AGMO: variants seen among roughly 807,000 people sequenced by gnomAD.
AGMO encodes alkylglycerol monooxygenase, also known as glyceryl-ether monooxygenase.
AGMO carries 75 observed loss-of-function variants against 60.2 expected under a neutral mutation model. The observed-to-expected ratio is 1.25, with a 90% CI of 1.03 to 1.51. AGMO has a LOEUF of 1.51. Ranked by LOEUF, AGMO falls within the 40% of genes most tolerant of loss-of-function variation. The probability of loss-of-function intolerance (pLI) is 0.00; values close to 1 mark genes in which losing one functional copy is unlikely to be tolerated. For missense variants in AGMO, 763 were observed against 525.5 expected, an observed-to-expected ratio of 1.45 and a Z score of -4.42; for synonymous variants, 261 against 177.1, an observed-to-expected ratio of 1.47 and a Z score of -3.76.
intron 12 of AGMO, among the ~76,000 whole-genome samples, chr7:15,335,498 T>C (rs568353332): frequency 5.9e-5 from 9 of 152,294 alleles, no homozygotes; most frequent in African/African-American, 1.7e-4. Flanking sequence ...AGTGATTTTA[T>C]GGTGCCTAGA....
rs148853894 is a variant in AGMO at position 15,438,566 on chromosome 7, G to T, written c.410-7458C>A. ...CGGAACTGTTTCATAATGATGCACT[G>T]TGAGTGATAATAACATGTTTTACTT... On this transcript the variant is annotated intron_variant, in intron 3 of 12. Coordinates refer to ENST00000342526, the MANE Select transcript of AGMO (RefSeq NM_001004320.2). 4.0e-3 allele frequency among the ~76,000 whole-genome samples: 614 copies of T among 152,284 alleles called. 4 individuals carry two copies. Among genetic ancestry groups the T allele is most frequent in the Middle Eastern group, 0.037 (11 of 294 alleles).
chr7:15,343,540 G>C (rs1410229037), intron 12 of AGMO, among the ~76,000 whole-genome samples: 2 of 152,048 alleles, frequency 1.3e-5, no homozygotes, highest in Non-Finnish European at 2.9e-5. Context: ...TAGTCTTTCA[G>C]GACTTATTAC....
chr7:15,235,040 G>A (rs972238712), intron 12 of AGMO, among the ~76,000 whole-genome samples: 3 of 151,986 alleles, frequency 2.0e-5, no homozygotes, highest in Non-Finnish European at 4.4e-5. Flanking sequence ...ACCATTTGCT[G>A]AAAACTTCAT....
chr7:15,393,360 T>C (rs1202336911), intron 6 of AGMO, among the ~76,000 whole-genome samples: 2 of 152,108 alleles, frequency 1.3e-5, no homozygotes, highest in African/African-American at 4.8e-5. Context: ...GGCTTCCTTC[T>C]CTCAGTATTG....
At chr7:15,393,898 T>TAG (rs1193221259) in intron 6 of AGMO, among the ~76,000 whole-genome samples, 3 of 151,952 alleles carry the variant, frequency 2.0e-5, no homozygotes, top group Non-Finnish European at 4.4e-5. Flanking sequence ...AAAAGTCAGA[T>TAG]AGATAAATCC....
chr7:15,427,417 C>T (rs919886844), intron 4 of AGMO, among the ~76,000 whole-genome samples: 1 of 152,134 alleles, frequency 6.6e-6, no homozygotes, highest in Non-Finnish European at 1.5e-5. Context: ...CTAAGAAACC[C>T]ACAGGTACAT....
chr7:15,292,524 G>C (rs944727113), intron 12 of AGMO, among the ~76,000 whole-genome samples: 1 of 152,154 alleles, frequency 6.6e-6, no homozygotes, highest in African/African-American at 2.4e-5. Context: ...CTGTGAACAT[G>C]ATAGTGAGTT....
chr7:15,483,338 G>A (rs543461222), intron 3 of AGMO, among the ~76,000 whole-genome samples: 1 of 152,098 alleles, frequency 6.6e-6, no homozygotes, highest in Admixed American at 6.5e-5. Flanking sequence ...AGGCCGAGGC[G>A]GGCGGATCAC....
chr7:15,321,248 C>T (rs1032647942), intron 12 of AGMO, among the ~76,000 whole-genome samples: 5 of 152,026 alleles, frequency 3.3e-5, no homozygotes, highest in Admixed American at 2.0e-4. Flanking sequence ...CACATACATA[C>T]GTATATAGAT....
chr7:15,222,490 CATGTTTTTCA>C (rs1781951432), intron 12 of AGMO, among the ~76,000 whole-genome samples: 2 of 152,024 alleles, frequency 1.3e-5, no homozygotes. Flanking sequence ...AAAGCAAAAA[CATGTTTTTCA>C]ATGTTAGTCA....
chr7:15,309,518 T>G (rs182584746), intron 12 of AGMO, among the ~76,000 whole-genome samples: 23 of 152,188 alleles, frequency 1.5e-4, no homozygotes, highest in African/African-American at 5.1e-4. Flanking sequence ...CAACATAAGA[T>G]CTCATCTAGC....
intron 12 of AGMO, among the ~76,000 whole-genome samples, chr7:15,258,680 T>C (rs1420995734): frequency 6.6e-6 from 1 of 152,200 alleles, no homozygotes; most frequent in Non-Finnish European, 1.5e-5. Context: ...CTCCACTCCC[T>C]TGCTACCTCT....
chr7:15,155,594 A>C, the AGMO span, among the ~76,000 whole-genome samples: 4 of 151,524 alleles, frequency 2.6e-5, no homozygotes, highest in South Asian at 4.2e-4. Context: ...TATCTTGATG[A>C]GCTTCTTTGG....
chr7:15,486,521 C>A (rs1782925544), intron 3 of AGMO, among the ~76,000 whole-genome samples: 1 of 151,954 alleles, frequency 6.6e-6, no homozygotes, highest in Non-Finnish European at 1.5e-5. Flanking sequence ...GAAAAAATAT[C>A]CACAGCTTAG....
At chr7:15,350,052 C>G (rs936776287) in intron 12 of AGMO, among the ~76,000 whole-genome samples, 6 of 152,168 alleles carry the variant, frequency 3.9e-5, no homozygotes, top group Non-Finnish European at 7.4e-5. Context: ...TGATTATTCT[C>G]TTGATTTCAC....
intron 3 of AGMO, among the ~76,000 whole-genome samples, chr7:15,454,207 C>T (rs1044010847): frequency 1.3e-5 from 2 of 151,942 alleles, no homozygotes; most frequent in East Asian, 1.9e-4. Flanking sequence ...AAGAAACACA[C>T]ACTAACTTAA....
At chr7:15,278,558 C>T (rs1249481381) in intron 12 of AGMO, among the ~76,000 whole-genome samples, 1 of 152,158 alleles carries the variant, frequency 6.6e-6, no homozygotes, top group East Asian at 1.9e-4. Context: ...GCAGGCAGAA[C>T]TCTCGGGTGA....
chr7:15,285,654 A>C (rs950687042), intron 12 of AGMO, among the ~76,000 whole-genome samples: 2 of 152,128 alleles, frequency 1.3e-5, no homozygotes, highest in Non-Finnish European at 2.9e-5. Context: ...TGCCCAAAGC[A>C]ATCTACAGAT....
At chr7:15,311,440 C>T (rs1306299807) in intron 12 of AGMO, among the ~76,000 whole-genome samples, 2 of 152,004 alleles carry the variant, frequency 1.3e-5, no homozygotes, top group African/African-American at 4.8e-5. Flanking sequence ...CTTTCCAAAA[C>T]CAAGTTAGTA....
Sources: allele counts gnomAD v4.1 joint callset (sites outside exome capture counted in the v4.1 genomes callset), GRCh38; gene constraint gnomAD v4.1.1; transcripts MANE v1.5; gene names NCBI Gene and HGNC (gene_info 2026-07-23, HGNC 2026-07-21).